SYN3: variants seen among roughly 807,000 people sequenced by gnomAD.
SYN3 encodes the protein synapsin III, also known as synapsin-3.
SYN3 carries 35 observed loss-of-function variants against 65.8 expected under a neutral mutation model. The observed-to-expected ratio is 0.53, with a 90% CI of 0.41 to 0.70. The LOEUF (loss-of-function observed/expected upper bound fraction) is 0.70. Among genes scored for constraint, SYN3 ranks in the 30% least tolerant of loss-of-function variants. The pLI, the probability that SYN3 is intolerant of heterozygous loss-of-function variation, is 0.00. For synonymous variants in SYN3, 270 were observed against 292.9 expected, an observed-to-expected ratio of 0.92 and a Z score of 0.80; for missense variants, 680 against 749.0, an observed-to-expected ratio of 0.91 and a Z score of 1.08.
chr22:32,986,483 C>T (rs192325965), intron 2 of SYN3, among the ~76,000 whole-genome samples: 1 of 152,262 alleles, frequency 6.6e-6, no homozygotes, highest in East Asian at 1.9e-4. Flanking sequence ...GGGAGTCCAT[C>T]CCCCCGCCTG....
At chr22:32,737,423 G>A (rs922181423) in intron 6 of SYN3, among the ~76,000 whole-genome samples, 40 of 151,908 alleles carry the variant, frequency 2.6e-4, no homozygotes, top group African/African-American at 8.2e-4. Flanking sequence ...CCATTAACTC[G>A]TCATTTAACC....
At chr22:32,894,970 G>C (rs1268233426) in intron 4 of SYN3, among the ~76,000 whole-genome samples, 1 of 152,208 alleles carries the variant, frequency 6.6e-6, no homozygotes, top group Non-Finnish European at 1.5e-5. Context: ...CATGTAAGAA[G>C]AGGCAGATGA....
intron 3 of SYN3, among the ~76,000 whole-genome samples, chr22:32,969,269 A>T (rs192337574): frequency 2.0e-5 from 3 of 152,252 alleles, no homozygotes; most frequent in Admixed American, 2.0e-4. Flanking sequence ...CCAGCAGAAA[A>T]GAAGAGGAGA....
At chr22:32,965,693 T>C (rs1479421023) in intron 3 of SYN3, among the ~76,000 whole-genome samples, 1 of 151,828 alleles carries the variant, frequency 6.6e-6, no homozygotes, top group East Asian at 1.9e-4. Flanking sequence ...GCTTTTTCGT[T>C]GTTGTTGTTG....
chr22:32,520,759 A>G (rs969136233), intron 12 of SYN3, among the ~76,000 whole-genome samples: 3 of 152,158 alleles, frequency 2.0e-5, no homozygotes, highest in Non-Finnish European at 4.4e-5. Flanking sequence ...TGCCACCTGT[A>G]TAACCTCCAT....
At chr22:33,051,888 C>T (rs1482820774) in intron 1 of SYN3, among the ~76,000 whole-genome samples, 2 of 152,158 alleles carry the variant, frequency 1.3e-5, no homozygotes, top group Non-Finnish European at 1.5e-5. Flanking sequence ...GACGAGCTCC[C>T]CTCCTGCCCA....
chr22:32,809,601 G>A (rs577860191), intron 6 of SYN3, among the ~76,000 whole-genome samples: 11 of 152,128 alleles, frequency 7.2e-5, no homozygotes, highest in Non-Finnish European at 1.2e-4. Context: ...ACAATTTCAT[G>A]TGTTGAGTGT....
At chr22:32,596,856 A>C in intron 6 of SYN3, 120 bp from the exon 7 acceptor site, 1 of 998,204 alleles carries the variant, frequency 1.0e-6, no homozygotes, top group Non-Finnish European at 1.5e-6. Context: ...CCCCACAAGA[A>C]TGCTTCGACA....
chr22:33,054,326 A>C (rs915147277), intron 1 of SYN3, among the ~76,000 whole-genome samples: 28 of 152,286 alleles, frequency 1.8e-4, no homozygotes, highest in African/African-American at 6.3e-4. Context: ...TCCTCTAAGC[A>C]CAACCTGCTC....
At chr22:32,720,936 T>C (rs1210194082) in intron 6 of SYN3, among the ~76,000 whole-genome samples, 1 of 152,152 alleles carries the variant, frequency 6.6e-6, no homozygotes, top group Non-Finnish European at 1.5e-5. Context: ...GCCGTTGAAA[T>C]AGCTCTGTGG....
intron 6 of SYN3, among the ~76,000 whole-genome samples, chr22:32,758,705 T>TATATATATATATA (rs1277216646): frequency 1.7e-3 from 187 of 109,538 alleles, no homozygotes; most frequent in Non-Finnish European, 2.5e-3. Flanking sequence ...TATATATGTC[T>TATATATATATATA]TATTAGTTCT....
chr22:32,728,743 G>T (rs1271891847), intron 6 of SYN3, among the ~76,000 whole-genome samples: 1 of 152,210 alleles, frequency 6.6e-6, no homozygotes, highest in Non-Finnish European at 1.5e-5. Context: ...AGACCCCTGA[G>T]GTATGGTGTG....
intron 6 of SYN3, among the ~76,000 whole-genome samples, chr22:32,844,488 G>A (rs1043943003): frequency 6.6e-6 from 1 of 152,130 alleles, no homozygotes; most frequent in Non-Finnish European, 1.5e-5. Flanking sequence ...TAGCACTCTT[G>A]CCCAAACAAA....
At chr22:33,020,410 G>A (rs1035452632) in intron 1 of SYN3, among the ~76,000 whole-genome samples, 6 of 152,094 alleles carry the variant, frequency 3.9e-5, no homozygotes, top group African/African-American at 1.4e-4. Context: ...TAGGAGATGG[G>A]GTATTTAAGA....
intron 1 of SYN3, among the ~76,000 whole-genome samples, chr22:33,053,663 A>C (rs739144): frequency 0.28 from 42,061 of 152,020 alleles, 6,449 homozygotes; most frequent in South Asian, 0.37. Flanking sequence ...TTCTTGGGCT[A>C]ATTCCCTCTG....
chr22:32,912,478 G>T (rs1271763459), intron 4 of SYN3, among the ~76,000 whole-genome samples: 1 of 152,152 alleles, frequency 6.6e-6, no homozygotes, highest in Non-Finnish European at 1.5e-5. Flanking sequence ...CACTTTGAGA[G>T]GTCGAGGTGG....
intron 6 of SYN3, among the ~76,000 whole-genome samples, chr22:32,679,418 C>T (rs922962302): frequency 1.3e-5 from 2 of 152,070 alleles, no homozygotes; most frequent in African/African-American, 2.4e-5. Context: ...TTGGCTATTA[C>T]GAATAATGCT....
chr22:32,896,885 C>G (rs1054521381), intron 4 of SYN3, among the ~76,000 whole-genome samples: 1 of 152,134 alleles, frequency 6.6e-6, no homozygotes, highest in Non-Finnish European at 1.5e-5. Context: ...TAAACAACTC[C>G]AAAAAATGCA....
intron 6 of SYN3, among the ~76,000 whole-genome samples, chr22:32,662,138 T>C (rs1277026376): frequency 6.6e-6 from 1 of 152,198 alleles, no homozygotes; most frequent in Non-Finnish European, 1.5e-5. Context: ...CTGTAGCATG[T>C]GAATTAATGT....
Sources: gnomAD v4.1 joint callset for allele counts (sites outside exome capture counted in the v4.1 genomes callset) on GRCh38, gnomAD v4.1.1 for gene constraint, MANE v1.5 for transcripts, NCBI Gene and HGNC (gene_info 2026-07-23, HGNC 2026-07-21) for gene names.